Variants in PRR14L observed in about 807,000 individuals in gnomAD.
The protein encoded by PRR14L is protein PRR14L.
Under a neutral mutation model 155.0 loss-of-function variants are expected in PRR14L, and 80 were observed. That is an observed-to-expected ratio of 0.52 (90% confidence interval 0.43 to 0.62). PRR14L has a LOEUF of 0.62. Ranked by LOEUF, PRR14L falls within the 20% of genes least tolerant of loss-of-function variation. The pLI is 0.00. For synonymous variants in PRR14L, 883 were observed against 916.0 expected (o/e 0.96, Z 0.65); for missense variants, 2,469 against 2,548.0 (o/e 0.97, Z 0.67).
At chr22:31,703,827 T>C (rs972562188) in intron 5 of PRR14L, 106 bp from the exon 6 acceptor site, 129 of 695,562 alleles carry the variant, frequency 1.9e-4, no homozygotes, top group Middle Eastern at 4.1e-4. Flanking sequence ...GAAGGAGTTT[T>C]GCTCTTGTTG....
At chr22:31,743,324 G>T (rs1171401266) in intron 1 of PRR14L, among the ~76,000 whole-genome samples, 1 of 151,964 alleles carries the variant, frequency 6.6e-6, no homozygotes, top group African/African-American at 2.4e-5. Flanking sequence ...GGGATTCTTG[G>T]AGAAATTGGG....
intron 7 of PRR14L, among the ~76,000 whole-genome samples, chr22:31,700,620 G>A (rs147238912): frequency 0.015 from 2,213 of 152,230 alleles, 56 homozygotes; most frequent in African/African-American, 0.051. Context: ...GCAATGGCAC[G>A]ATCTCGGCTC....
intron 2 of PRR14L, among the ~76,000 whole-genome samples, chr22:31,727,250 T>G (rs1354718089): frequency 6.6e-6 from 1 of 151,280 alleles, no homozygotes; most frequent in African/African-American, 2.4e-5. Flanking sequence ...TTTTTTTTTT[T>G]GGAGATGGAG....
intron 1 of PRR14L, among the ~76,000 whole-genome samples, chr22:31,747,755 G>A (rs1413817075): frequency 4.0e-5 from 6 of 150,820 alleles, no homozygotes; most frequent in African/African-American, 1.5e-4. Flanking sequence ...AAGATGGTAA[G>A]CGTTTCTTTA....
At chr22:31,722,249 G>A (rs9619229) in intron 3 of PRR14L, among the ~76,000 whole-genome samples, 8,633 of 151,096 alleles carry the variant, frequency 0.057, 316 homozygotes, top group South Asian at 0.17. Flanking sequence ...GGCCAACATG[G>A]TAAAACTCCG....
At chr22:31,740,116 C>A (rs530233785) in intron 1 of PRR14L, among the ~76,000 whole-genome samples, 1 of 152,078 alleles carries the variant, frequency 6.6e-6, no homozygotes, top group African/African-American at 2.4e-5. Context: ...GCTAGAGTAC[C>A]ATGGTGCAAT....
intron 1 of PRR14L, among the ~76,000 whole-genome samples, chr22:31,740,417 A>G (rs1403266247): frequency 6.6e-6 from 1 of 152,034 alleles, no homozygotes; most frequent in Non-Finnish European, 1.5e-5. Flanking sequence ...ACAAAGTTTC[A>G]CCACGTTGGC....
intron 3 of PRR14L, among the ~76,000 whole-genome samples, chr22:31,722,302 C>T (rs1428141755): frequency 3.3e-5 from 5 of 151,116 alleles, no homozygotes; most frequent in East Asian, 2.0e-4. Context: ...CATGGTGGCA[C>T]GTGCCTGTAG....
intron 6 of PRR14L, 28 bp from the exon 7 acceptor site, chr22:31,701,790 G>A (rs777351855): frequency 4.0e-6 from 6 of 1,511,224 alleles, no homozygotes; most frequent in Non-Finnish European, 5.5e-6. Flanking sequence ...GAAGAAAGAT[G>A]GTCAAGCTGT....
At chr22:31,704,630 C>G in intron 5 of PRR14L, 25 bp downstream of exon 5, 1 of 1,603,246 alleles carries the variant, frequency 6.2e-7, no homozygotes, top group Non-Finnish European at 8.5e-7. Context: ...CACGCGCACA[C>G]ACACGCTGAG....
At chr22:31,724,338 CA>C (rs1202446390) in intron 3 of PRR14L, among the ~76,000 whole-genome samples, 1 of 152,226 alleles carries the variant, frequency 6.6e-6, no homozygotes, top group Non-Finnish European at 1.5e-5. Context: ...AACTGTCTTG[CA>C]CGAAACAGGT....
In PRR14L at chr22:31,749,796, C is replaced by T. The variant is rs1395483739; in HGVS notation, c.-52+197G>A. Among the ~76,000 whole-genome samples, 3 of 152,358 alleles carry T rather than the reference C, an allele frequency of 2.0e-5. No homozygotes were observed. In the East Asian group the frequency reaches 5.8e-4, roughly 29 times the overall value. ...CATGACTCGGAGAAGCCGCTTTTCT[C>T]TAGCGACGCGGGGCCTGGTCTCCTC... is the stretch of plus-strand genomic sequence containing the variant. On this transcript the variant is annotated intron_variant, in intron 1 of 8. Coordinates refer to ENST00000327423, the MANE Select transcript of PRR14L (RefSeq NM_173566.3).
intron 7 of PRR14L, among the ~76,000 whole-genome samples, chr22:31,697,176 C>T (rs1345175657): frequency 6.6e-6 from 1 of 151,882 alleles, no homozygotes; most frequent in African/African-American, 2.4e-5. Flanking sequence ...GTGGCAGGTG[C>T]CTGTAATCCC....
At chr22:31,698,568 T>C (rs542168752) in intron 7 of PRR14L, among the ~76,000 whole-genome samples, 6 of 151,912 alleles carry the variant, frequency 3.9e-5, no homozygotes, top group Admixed American at 1.3e-4. Context: ...TTGAGACTTA[T>C]ATAAATCAAT....
At chr22:31,732,066 T>A (rs928106553) in intron 2 of PRR14L, among the ~76,000 whole-genome samples, 1 of 152,180 alleles carries the variant, frequency 6.6e-6, no homozygotes, top group Non-Finnish European at 1.5e-5. Flanking sequence ...ATTCCCCCAT[T>A]CTTTCAGGAT....
chr22:31,688,300 T>C (rs1482727508), intron 7 of PRR14L, 73 bp from the exon 8 acceptor site: 73 of 1,441,734 alleles, frequency 5.1e-5, no homozygotes, highest in Non-Finnish European at 2.3e-5. Flanking sequence ...TCTTGCTCTG[T>C]TGCCCAGGCT....
rs1311244898 is a variant in PRR14L, at chr22:31,738,804, G to A, written c.57C>T (p.Ala19=). The A allele has an allele frequency of 1.3e-5, 20 of 1,549,862 alleles. No individual in the cohort carries two copies. In the Admixed American group the frequency reaches 2.7e-4, roughly 21 times the overall value. Residue 19 remains alanine, a synonymous_variant, in exon 2 of 9, where the codon GCC becomes GCT. Coordinates refer to ENST00000327423, the MANE Select transcript of PRR14L (RefSeq NM_173566.3). The stretch of plus-strand genomic sequence containing the variant: ...GTTCAGAGTATAATTCCTGTACCAC[G>A]GCAGACATGGAGGAATCAAGTGGAA... ...QPVPLDSSMS[A]VVQELYSELP...
chr22:31,707,204 A>G (rs1300949427), intron 4 of PRR14L, among the ~76,000 whole-genome samples: 2 of 152,186 alleles, frequency 1.3e-5, no homozygotes, highest in Non-Finnish European at 2.9e-5. Context: ...AATAAAATAA[A>G]AAGCTAGAAA....
intron 7 of PRR14L, among the ~76,000 whole-genome samples, chr22:31,700,687 G>C (rs1214401872): frequency 6.6e-6 from 1 of 151,890 alleles, no homozygotes; most frequent in African/African-American, 2.4e-5. Context: ...CTACCAAGTA[G>C]CTGGGATTAC....
Sources: gnomAD v4.1 joint callset for allele counts (sites outside exome capture counted in the v4.1 genomes callset) on GRCh38, gnomAD v4.1.1 for gene constraint, MANE v1.5 for transcripts, NCBI Gene and HGNC (gene_info 2026-07-23, HGNC 2026-07-21) for gene names.